The following SPATA22 variants were observed in gnomAD, a reference collection of about 807,000 sequenced individuals.
SPATA22 encodes the protein spermatogenesis-associated protein 22.
SPATA22 carries 29 observed loss-of-function variants against 47.8 expected under a neutral mutation model. That is an observed-to-expected ratio of 0.61 (90% confidence interval 0.45 to 0.83). SPATA22 has a LOEUF of 0.83. SPATA22 is among the 40% of genes least tolerant of loss of function. The probability of loss-of-function intolerance (pLI) is 0.00; values close to 1 mark genes in which losing one functional copy is unlikely to be tolerated. For missense variants in SPATA22, 410 were observed against 421.7 expected (o/e 0.97, Z 0.24); for synonymous variants, 133 against 140.9 (o/e 0.94, Z 0.40).
At chr17:3,508,411 AC>A (rs2074062231) in intron 1 of SPATA22, among the ~76,000 whole-genome samples, 1 of 151,952 alleles carries the variant, frequency 6.6e-6, no homozygotes, top group African/African-American at 2.4e-5. Context: ...TATATACCCA[AC>A]GGACTATAAA....
At chr17:3,470,970 C>A (rs934711147) in intron 1 of SPATA22, among the ~76,000 whole-genome samples, 1 of 151,864 alleles carries the variant, frequency 6.6e-6, no homozygotes, top group Non-Finnish European at 1.5e-5. Context: ...GCCTGACCAA[C>A]AACGTGAAAC....
At chr17:3,465,272 G>C (rs1179924552) in intron 3 of SPATA22, among the ~76,000 whole-genome samples, 1 of 150,976 alleles carries the variant, frequency 6.6e-6, no homozygotes, top group African/African-American at 2.4e-5. Context: ...CCCCGTCTGG[G>C]AGGTGTGCCC....
At position 3,490,490 on chromosome 17, in the gene SPATA22, G is replaced by T. The variant is rs768803557; in HGVS notation, c.-73-21092C>A. Among the ~76,000 whole-genome samples the T allele has an allele frequency of 2.6e-5, 4 of 152,154 alleles. No homozygotes were observed. Among genetic ancestry groups the T allele is most frequent in the Non-Finnish European group, 4.4e-5 (3 of 68,038 alleles). Reference sequence around the variant, plus strand: ...ATGGGCAATTATAATAACAGAGGGGGTGTGTACTTCGGTGTCTGTGGGGAG... The same window carrying T: ...ATGGGCAATTATAATAACAGAGGGGTTGTGTACTTCGGTGTCTGTGGGGAG... On this transcript the variant is annotated intron_variant, in intron 1 of 8. Transcript: ENST00000541913. The surrounding 1 kb of genome is among the most constrained non-coding windows in gnomAD (Gnocchi z 4.6).
At chr17:3,487,245 G>C (rs1200687159) in intron 1 of SPATA22, among the ~76,000 whole-genome samples, 3 of 152,180 alleles carry the variant, frequency 2.0e-5, no homozygotes, top group African/African-American at 7.2e-5. Flanking sequence ...AATATTCTTA[G>C]TGTATTATAA....
chr17:3,445,192 G>C (rs905504963), intron 7 of SPATA22, among the ~76,000 whole-genome samples: 3 of 152,110 alleles, frequency 2.0e-5, no homozygotes, highest in African/African-American at 7.2e-5. Flanking sequence ...TTTGAAATAA[G>C]ATGTTCTACC....
chr17:3,508,174 G>T (rs370516329), intron 1 of SPATA22, among the ~76,000 whole-genome samples: 1 of 152,234 alleles, frequency 6.6e-6, no homozygotes, highest in East Asian at 1.9e-4. Flanking sequence ...TTCCATCAGA[G>T]AAATGCAAAT....
At chr17:3,440,926 G>A (rs2072584195) in intron 8 of SPATA22, 1 of 152,074 alleles carries the variant, frequency 6.6e-6, no homozygotes, top group East Asian at 1.9e-4. Flanking sequence ...ACTTGTATAG[G>A]TGGGAAACAA....
chr17:3,455,508 A>C (rs1466265463), intron 5 of SPATA22, among the ~76,000 whole-genome samples: 4 of 145,058 alleles, frequency 2.8e-5, no homozygotes, highest in Admixed American at 7.1e-5. Flanking sequence ...TCAGCTTTCT[A>C]CATATGGCTA....
At chr17:3,507,008 G>GAGGGAGGAAGGA in intron 1 of SPATA22, among the ~76,000 whole-genome samples, 2 of 145,868 alleles carry the variant, frequency 1.4e-5, no homozygotes, top group Middle Eastern at 3.4e-3. Context: ...GGGAGGAAGG[G>GAGGGAGGAAGGA]AGGGAGGGGA....
At chr17:3,446,673 G>C in intron 6 of SPATA22, 72 bp from the exon 7 acceptor site, 2 of 1,228,438 alleles carry the variant, frequency 1.6e-6, no homozygotes, top group Non-Finnish European at 2.2e-6. Context: ...TACCTTCTAC[G>C]TAAAAATTCT....
chr17:3,471,349 CAG>C, intron 1 of SPATA22: 1 of 860,620 alleles, frequency 1.2e-6, no homozygotes, highest in Non-Finnish European at 1.4e-6. Context: ...ATCAAACAAA[CAG>C]AATAAACAAC....
chr17:3,490,928 G>A lies in SPATA22; in HGVS notation c.-73-21530C>T, dbSNP rs531619139. Among the ~76,000 whole-genome samples, 45 of 152,150 alleles carry A rather than the reference G, an allele frequency of 3.0e-4. No homozygotes were observed. The highest frequency in any genetic ancestry group is 3.4e-3 in the Middle Eastern group (1 of 294). The stretch of plus-strand genomic sequence containing the variant: ...AACATTTCATTTAAGCAAAGGATTC[G>A]GCAAATCAAAAATTGTCAACCACGA... On this transcript the variant is annotated intron_variant, in intron 1 of 8. Transcript: ENST00000541913. The surrounding 1 kb of genome is among the most constrained non-coding windows in gnomAD (Gnocchi z 4.6).
chr17:3,443,148 G>A (rs775340392), intron 8 of SPATA22, 26 bp downstream of exon 8: 47 of 1,497,310 alleles, frequency 3.1e-5, no homozygotes, highest in Non-Finnish European at 3.7e-5. Context: ...CATAGGCTTC[G>A]CAAAGAGTAC....
chr17:3,513,608 G>T (rs2074142312), exon 1 of SPATA22: 2 of 277,696 alleles, frequency 7.2e-6, no homozygotes, highest in South Asian at 9.7e-5. Flanking sequence ...CAGCCAAGCC[G>T]ACCTGCAATT....
chr17:3,455,377 A>G (rs1423331841), intron 5 of SPATA22, among the ~76,000 whole-genome samples: 1 of 151,518 alleles, frequency 6.6e-6, no homozygotes, highest in South Asian at 2.1e-4. Flanking sequence ...GCCCATGCCT[A>G]TGTCCTGAAT....
At position 3,490,965 on chromosome 17, in the gene SPATA22, T is replaced by C. The variant is rs1221111285; in HGVS notation, c.-73-21567A>G. ...ATTGTCAACCACGATTAATTTAGAC[T>C]ATCCAGCTTGGTGGATTTTCAACTG... On this transcript the variant is annotated intron_variant, in intron 1 of 8. Transcript: ENST00000541913. The surrounding 1 kb of genome is among the most constrained non-coding windows in gnomAD (Gnocchi z 4.6). Among the ~76,000 whole-genome samples the C allele has an allele frequency of 6.6e-6, 1 of 152,220 alleles. No individual in the cohort carries two copies. Among genetic ancestry groups the C allele is most frequent in the Non-Finnish European group, 1.5e-5 (1 of 68,042 alleles).
chr17:3,482,976 G>C (rs2073659339), intron 1 of SPATA22, among the ~76,000 whole-genome samples: 1 of 126,344 alleles, frequency 7.9e-6, no homozygotes, highest in Non-Finnish European at 1.6e-5. Context: ...CTATTGAAGA[G>C]AGAGCGGAAT....
chr17:3,471,512 C>G, intron 1 of SPATA22, 170 bp downstream of exon 1: 1 of 985,374 alleles, frequency 1.0e-6, no homozygotes, highest in Non-Finnish European at 1.2e-6. Flanking sequence ...TGTGCTCAAT[C>G]TGCACGCACA....
chr17:3,506,705 C>T (rs759294167), intron 1 of SPATA22, among the ~76,000 whole-genome samples: 5 of 152,108 alleles, frequency 3.3e-5, no homozygotes, highest in Non-Finnish European at 5.9e-5. Flanking sequence ...GTCGGGAGGC[C>T]GAGGCAGGTG....
Sources: gnomAD v4.1 joint callset for allele counts (sites outside exome capture counted in the v4.1 genomes callset) on GRCh38, gnomAD v4.1.1 for gene constraint, Gnocchi (gnomAD v3.1) non-coding constraint, MANE v1.5 for transcripts, NCBI Gene and HGNC (gene_info 2026-07-23, HGNC 2026-07-21) for gene names.